The following RPS16 variants were observed in gnomAD, a reference collection of about 807,000 sequenced individuals.
RPS16 encodes the protein small ribosomal subunit protein uS9.
A neutral mutation model predicts 20.1 loss-of-function variants in RPS16; 2 were observed. The ratio of observed to expected loss-of-function variants is 0.10; its 90% CI spans 0.04 to 0.31. The LOEUF (loss-of-function observed/expected upper bound fraction) is 0.31. Among genes scored for constraint, RPS16 ranks in the 10% least tolerant of loss-of-function variants. The pLI is 1.00. For missense variants in RPS16, 129 were observed against 198.6 expected (o/e 0.65, Z 2.11); for synonymous variants, 95 against 76.1 (o/e 1.25, Z -1.29).
At position 39,435,658 on chromosome 19, in the gene RPS16, C is replaced by T; in HGVS notation, c.99G>A (p.Lys33=). 1 of 1,614,124 alleles carries T rather than the reference C, an allele frequency of 6.2e-7. No homozygotes were observed. Among genetic ancestry groups the T allele is most frequent in the Non-Finnish European group, 8.5e-7 (1 of 1,180,040 alleles). Residue 33 remains lysine (K), a synonymous_variant, in exon 2 of 5, where the codon AAG becomes AAA. Coordinates refer to ENST00000251453, the MANE Select transcript of RPS16 (RefSeq NM_001020.6). ...TCATCTCCAGGGGCCGCCCGTTCAC[C>T]TTGATGAGACCATTGCCGCGTTTGC... ...AHCKRGNGLI[K]VNGRPLEMIE...
At position 39,433,529 on chromosome 19, in the gene RPS16, G is replaced by A. The variant is rs1343789289; in HGVS notation, c.288C>T (p.Tyr96=). The A allele has an allele frequency of 1.9e-6, 3 of 1,614,028 alleles. No homozygotes were observed. The highest frequency in any genetic ancestry group is 2.5e-6 in the Non-Finnish European group (3 of 1,180,012). The change falls in exon 4 of 5, where the codon TAC becomes TAT. Residue 96 remains tyrosine, a synonymous_variant. Transcript: ENST00000251453. ...QSISKALVAY[Y]QKYVDEASKK... is the part of the protein sequence containing the mutation. ...GGACCCATGCTCACTCACATTTCTG[G>A]TAATAGGCCACCAGGGCTTTGGAGA...
intron 2 of RPS16, chr19:39,435,357 C>T: frequency 2.0e-6 from 1 of 496,562 alleles, no homozygotes; most frequent in Non-Finnish European, 3.6e-6. Context: ...GGTCCCCCCG[C>T]CCCAGTGAGG....
intron 2 of RPS16, 103 bp from the exon 3 acceptor site, chr19:39,433,864 A>G: frequency 9.3e-7 from 1 of 1,079,534 alleles, no homozygotes; most frequent in East Asian, 2.6e-5. Flanking sequence ...ACTGGCCTTC[A>G]AGTACTAGTG....
chr19:39,434,281 G>C (rs1241182740), intron 2 of RPS16: 3 of 162,624 alleles, frequency 1.8e-5, no homozygotes, highest in African/African-American at 4.8e-5. Flanking sequence ...CAGTGCCTCT[G>C]TCTGGATACT....
At position 39,433,401 on chromosome 19, in the gene RPS16, T is replaced by G; in HGVS notation, c.313A>C (p.Lys105Gln). 1 of 1,614,110 alleles carries G rather than the reference T, an allele frequency of 6.2e-7. No homozygotes were observed. Among genetic ancestry groups the G allele is most frequent in the South Asian group, 1.1e-5 (1 of 91,078 alleles). Reference sequence around the variant, plus strand: ...ATGAGGATGTCTTTGATCTCCTTCTTGGAAGCCTCATCCACATCTGGCAAG... The same window carrying G: ...ATGAGGATGTCTTTGATCTCCTTCTGGGAAGCCTCATCCACATCTGGCAAG... Reference protein sequence around the residue: ...YYQKYVDEASKKEIKDILIQY... With the variant: ...YYQKYVDEASQKEIKDILIQY... Residue 105 changes from lysine to glutamine, a missense_variant, in exon 5 of 5, where the codon AAG becomes CAG. Lys to Gln is a moderately conservative substitution (Grantham distance 53). Coordinates refer to ENST00000251453, the MANE Select transcript of RPS16 (RefSeq NM_001020.6).
intron 2 of RPS16, chr19:39,435,348 G>A (rs140094490): frequency 2.5e-5 from 12 of 479,088 alleles, no homozygotes; most frequent in Non-Finnish European, 4.1e-5. Context: ...CACCCTTTGG[G>A]TCCCCCCGCC....
rs2078839725 is a variant in RPS16, at chr19:39,433,248, A to G, written c.*25T>C. ...ATCCCTCAAAAACTGTTTATTATAC[A>G]AGTGAGTTTTGAGTCACGATGGGCT... On this transcript the variant is annotated 3_prime_UTR_variant, in exon 5 of 5. Transcript: ENST00000251453. 1 of 1,611,086 alleles carries G rather than the reference A, an allele frequency of 6.2e-7. No homozygotes were observed. Among genetic ancestry groups the G allele is most frequent in the African/African-American group, 1.3e-5 (1 of 74,912 alleles).
At position 39,435,901 on chromosome 19, in the gene RPS16, C is replaced by T. The variant is rs1393567418; in HGVS notation, c.-6G>A. ...AGCGGGCCCTTGGACGGCATGGCTC[C>T]GAGCGTGGACTAGACAACCTCACCG... On this transcript the variant is annotated 5_prime_UTR_variant, in exon 1 of 5. Coordinates refer to ENST00000251453, the MANE Select transcript of RPS16 (RefSeq NM_001020.6). 2 of 1,604,596 alleles carry T rather than the reference C, an allele frequency of 1.2e-6. No individual in the cohort carries two copies. Among genetic ancestry groups the T allele is most frequent in the Non-Finnish European group, 8.5e-7 (1 of 1,179,964 alleles).
chr19:39,433,871 A>G (rs1242884307), intron 2 of RPS16, 110 bp from the exon 3 acceptor site: 5 of 1,014,656 alleles, frequency 4.9e-6, no homozygotes, highest in Non-Finnish European at 7.4e-6. Context: ...TTCAAGTACT[A>G]GTGGATGGGG....
chr19:39,434,104 A>C, intron 2 of RPS16: 1 of 318,704 alleles, frequency 3.1e-6, no homozygotes, highest in Non-Finnish European at 6.1e-6. Context: ...AGCTTCTGAA[A>C]CTCCCAAGGC....
intron 2 of RPS16, chr19:39,435,286 G>A (rs2078854327): frequency 6.7e-6 from 2 of 298,524 alleles, no homozygotes; most frequent in Non-Finnish European, 6.3e-6. Context: ...GCGACACAGC[G>A]AGACTCCCTC....
At position 39,433,202 on chromosome 19, in the gene RPS16, C is replaced by T; in HGVS notation, c.*71G>A. ...TCCAATACCAACACATAAGGCCACACACAGTTCTTGAAACTTTAAAATCCC... is the reference window on the plus strand; with the variant it reads ...TCCAATACCAACACATAAGGCCACATACAGTTCTTGAAACTTTAAAATCCC... On this transcript the variant is annotated 3_prime_UTR_variant, in exon 5 of 5. Coordinates refer to ENST00000251453, the MANE Select transcript of RPS16 (RefSeq NM_001020.6). The T allele has an allele frequency of 1.3e-6, 2 of 1,499,544 alleles. No homozygotes were observed. The highest frequency in any genetic ancestry group is 1.8e-6 in the Non-Finnish European group (2 of 1,084,452). The allele number at this position is 1,499,544 out of a possible 1,614,324, so 92.9% of individuals were successfully genotyped here. A position where few individuals can be genotyped will look rare whatever the true frequency, so the allele number is the denominator to read the frequency against.
intron 2 of RPS16, 47 bp from the exon 3 acceptor site, chr19:39,433,808 G>A: frequency 6.3e-7 from 1 of 1,585,246 alleles, no homozygotes; most frequent in East Asian, 2.3e-5. Flanking sequence ...ATGCTGGGCA[G>A]CTTAGCCATC....
chr19:39,433,442 G>C (rs376071845), intron 4 of RPS16, 24 bp from the exon 5 acceptor site: 2 of 1,613,584 alleles, frequency 1.2e-6, no homozygotes, highest in South Asian at 2.2e-5. Flanking sequence ...CAGGGACGAG[G>C]ATTTAGATAA....
chr19:39,433,618 T>C, intron 3 of RPS16, 47 bp downstream of exon 3: 7 of 1,614,134 alleles, frequency 4.3e-6, no homozygotes, highest in Non-Finnish European at 5.9e-6. Context: ...TGTGAAGGCC[T>C]CCCTCCCAGA....
At chr19:39,433,849 C>T in intron 2 of RPS16, 88 bp from the exon 3 acceptor site, 2 of 1,256,896 alleles carry the variant, frequency 1.6e-6, no homozygotes, top group South Asian at 1.3e-5. Flanking sequence ...GTGGCTTCTG[C>T]CACCACTGGC....
At position 39,433,519 on chromosome 19, in the gene RPS16, C is replaced by G. The variant is rs780197803; in HGVS notation, c.295+3G>C. 3.1e-6 allele frequency: 5 copies of G among 1,614,006 alleles called. No individual in the cohort carries two copies. In the African/African-American group the frequency reaches 4.0e-5, roughly 13 times the overall value. On this transcript the variant is annotated splice_donor_region_variant and intron_variant, in intron 4 of 4. Coordinates refer to ENST00000251453, the MANE Select transcript of RPS16 (RefSeq NM_001020.6). ...CTCATGGGAAGGACCCATGCTCACT[C>G]ACATTTCTGGTAATAGGCCACCAGG...
intron 2 of RPS16, chr19:39,435,085 G>C (rs1259297492): frequency 3.3e-5 from 5 of 153,648 alleles, no homozygotes; most frequent in African/African-American, 1.2e-4. Context: ...GATCACCTGA[G>C]GTAATGAGTT....
chr19:39,435,702 C>A lies in RPS16; in HGVS notation c.55G>T (p.Ala19Ser), dbSNP rs779944942. The change falls in exon 2 of 5, where the codon GCG (alanine) becomes TCG (serine). Residue 19 changes from alanine (A) to serine (S), a missense_variant. By Grantham distance (99) the Ala-to-Ser change is moderately conservative. Around this residue, in one of 2 missense-constraint regions of RPS16, gnomAD observed 117 missense variants for 151.4 expected, o/e 0.77. Coordinates refer to ENST00000251453, the MANE Select transcript of RPS16 (RefSeq NM_001020.6). ...CGTTTGCAGTGCGCCACAGCTGTCGCTGTCTTCTGTAAGATACAAGAGAAA... is the reference window on the plus strand; with the variant it reads ...CGTTTGCAGTGCGCCACAGCTGTCGATGTCTTCTGTAAGATACAAGAGAAA... Reference protein sequence around the residue: ...SVQVFGRKKTATAVAHCKRGN... With the variant: ...SVQVFGRKKTSTAVAHCKRGN... 4 of 1,613,568 alleles carry A rather than the reference C, an allele frequency of 2.5e-6. No individual in the cohort carries two copies. The highest frequency in any genetic ancestry group is 2.5e-6 in the Non-Finnish European group (3 of 1,179,996).
Sources: allele counts gnomAD v4.1 joint callset, GRCh38; gene constraint gnomAD v4.1.1; regional missense constraint gnomAD v4.1.1; transcripts MANE v1.5; gene names NCBI Gene and HGNC (gene_info 2026-07-23, HGNC 2026-07-21).